Variants in JAML observed in about 807,000 individuals in gnomAD.
The protein encoded by JAML is junction adhesion molecule like.
In JAML, 25 loss-of-function variants were observed where a neutral mutation model predicts 39.3. The ratio of observed to expected loss-of-function variants is 0.64; its 90% CI spans 0.46 to 0.89. The LOEUF (loss-of-function observed/expected upper bound fraction) is 0.89, where lower values mean the gene tolerates loss of function less well. Among genes scored for constraint, JAML ranks in the 40% least tolerant of loss-of-function variants. JAML has a pLI of 0.00. For synonymous variants in JAML, 162 were observed against 179.2 expected, an observed-to-expected ratio of 0.90 and a Z score of 0.77; for missense variants, 440 against 486.9, an observed-to-expected ratio of 0.90 and a Z score of 0.91.
At chr11:118,211,294 G>A (rs1280279948) in intron 3 of JAML, among the ~76,000 whole-genome samples, 1 of 152,210 alleles carries the variant, frequency 6.6e-6, no homozygotes, top group African/African-American at 2.4e-5. Context: ...CCGGGCTGGA[G>A]TGCAGTGGCA....
intron 4 of JAML, among the ~76,000 whole-genome samples, chr11:118,206,247 C>T (rs1301329555): frequency 6.6e-6 from 1 of 152,158 alleles, no homozygotes; most frequent in African/African-American, 2.4e-5. Context: ...CTCTAGCTGC[C>T]CACATGTACC....
At chr11:118,204,755 A>G (rs1948882492) in intron 5 of JAML, 1 of 152,112 alleles carries the variant, frequency 6.6e-6, no homozygotes, top group South Asian at 2.1e-4. Context: ...TTTTACATGT[A>G]TCTCCTCCAT....
chr11:118,203,663 C>T lies in JAML; in HGVS notation c.537G>A (p.Glu179=), dbSNP rs771607224. 1.9e-6 allele frequency: 3 copies of T among 1,608,540 alleles called. No individual in the cohort carries two copies. The highest frequency in any genetic ancestry group is 2.6e-6 in the Non-Finnish European group (3 of 1,175,040). The change falls in exon 6 of 10, where the codon GAG becomes GAA. Residue 179 remains glutamate, a splice_region_variant and synonymous_variant. Coordinates refer to ENST00000356289, the MANE Select transcript of JAML (RefSeq NM_001098526.2). ...TGTGGTAGTAACGAAATACAATCTC[C>T]TCCTAGAAGTGAAAGACAAAAAGTA... ...EWIFSGRRAK[E]EIVFRYYHKL...
chr11:118,212,871 T>C, intron 2 of JAML: 1 of 1,614,200 alleles, frequency 6.2e-7, no homozygotes, highest in Non-Finnish European at 8.5e-7. Context: ...ACCCCAGAAG[T>C]CTCTCCTTTC....
intron 7 of JAML, among the ~76,000 whole-genome samples, chr11:118,200,188 G>T (rs1324323766): frequency 6.6e-6 from 1 of 152,160 alleles, no homozygotes; most frequent in African/African-American, 2.4e-5. Context: ...GATAGTTCTT[G>T]TGTAAGATTT....
intron 7 of JAML, among the ~76,000 whole-genome samples, chr11:118,200,073 G>A (rs11600134): frequency 0.23 from 35,105 of 151,958 alleles, 4,647 homozygotes; most frequent in African/African-American, 0.36. Flanking sequence ...TTAGAATGTG[G>A]TCTTTTAGAT....
At position 118,212,464 on chromosome 11, in the gene JAML, T is replaced by C; in HGVS notation, c.141A>G (p.Thr47=). ...CTATCTTGAATATACATTTGTCTTCTGTGCTCTGGAAAACACATCCCATCA... is the reference window on the plus strand; with the variant it reads ...CTATCTTGAATATACATTTGTCTTCCGTGCTCTGGAAAACACATCCCATCA... ...SALMGCVFQS[T]EDKCIFKIDW... is the part of the protein sequence containing the mutation. Residue 47 remains threonine, a synonymous_variant, in exon 3 of 10, where the codon ACA becomes ACG. Coordinates refer to ENST00000356289, the MANE Select transcript of JAML (RefSeq NM_001098526.2). 6.2e-7 allele frequency: 1 copy of C among 1,614,228 alleles called. No homozygotes were observed. The highest frequency in any genetic ancestry group is 8.5e-7 in the Non-Finnish European group (1 of 1,180,026).
At chr11:118,195,867 T>C (rs648682) in intron 9 of JAML, among the ~76,000 whole-genome samples, 86,260 of 151,994 alleles carry the variant, frequency 0.57, 24,596 homozygotes, top group South Asian at 0.75. Flanking sequence ...AGTCTCGCTC[T>C]GTTTCCCAGG....
chr11:118,203,759 G>T, intron 5 of JAML, 94 bp from the exon 6 acceptor site: 1 of 1,009,306 alleles, frequency 9.9e-7, no homozygotes, highest in Non-Finnish European at 1.6e-6. Context: ...GGACTCCAAG[G>T]CCCTGCTAGG....
At position 118,206,030 on chromosome 11, in the gene JAML, T is replaced by C. The variant is rs1402799065; in HGVS notation, c.425-39A>G. ...AGTAAATCAAGTCAGACTCAAGTTA[T>C]AATCTATAGAAGTCAAAGAATTTCT... On this transcript the variant is annotated intron_variant, in intron 4 of 9. Coordinates refer to ENST00000356289, the MANE Select transcript of JAML (RefSeq NM_001098526.2). The C allele has an allele frequency of 3.2e-6, 5 of 1,540,990 alleles. No individual in the cohort carries two copies. In the African/African-American group the frequency reaches 5.5e-5, roughly 17 times the overall value.
intron 5 of JAML, chr11:118,205,277 C>A (rs1195877816): frequency 6.6e-6 from 1 of 152,256 alleles, no homozygotes; most frequent in Non-Finnish European, 1.5e-5. Flanking sequence ...CACATGTTGA[C>A]CCATAAATAT....
rs748053217 is a variant in JAML at position 118,203,545 on chromosome 11, T to C, written c.655A>G (p.Ile219Val). The part of the protein sequence containing the change: ...VGDIFRNDGS[I>V]MLQGVRESDG... ...GACTCCCTCACTCCTTGAAGCATGA[T>C]GGAACCGTCATTGCGGAAAATGTCC... is the stretch of plus-strand genomic sequence containing the variant. The change falls in exon 6 of 10, where the codon ATC (isoleucine) becomes GTC (valine). Residue 219 changes from isoleucine (I) to valine (V), a missense_variant. By Grantham distance (29) the Ile-to-Val change is conservative (BLOSUM62 3). Transcript: ENST00000356289. 4 of 1,614,168 alleles carry C rather than the reference T, an allele frequency of 2.5e-6. No homozygotes were observed. Among genetic ancestry groups the C allele is most frequent in the Non-Finnish European group, 3.4e-6 (4 of 1,180,026 alleles).
At chr11:118,206,380 C>T (rs1371168953) in intron 4 of JAML, among the ~76,000 whole-genome samples, 1 of 152,140 alleles carries the variant, frequency 6.6e-6, no homozygotes, top group Admixed American at 6.5e-5. Flanking sequence ...CAAGTTTGTA[C>T]TAAAGGAAGT....
chr11:118,197,937 G>C (rs752915997), intron 8 of JAML, 61 bp downstream of exon 8: 1 of 1,457,996 alleles, frequency 6.9e-7, no homozygotes, highest in South Asian at 1.1e-5. Context: ...TGGTTCCCGG[G>C]GGTATGAGAA....
chr11:118,203,718 G>A, intron 5 of JAML, 53 bp from the exon 6 acceptor site: 2 of 1,487,430 alleles, frequency 1.3e-6, no homozygotes, highest in South Asian at 1.1e-5. Context: ...GTGGAGCGGG[G>A]AGCAGAGAAA....
At chr11:118,203,843 G>T (rs1168357655) in intron 5 of JAML, 178 bp from the exon 6 acceptor site, 5 of 596,422 alleles carry the variant, frequency 8.4e-6, no homozygotes, top group Non-Finnish European at 1.5e-5. Context: ...GCATGCGTGT[G>T]TACTTGTGAA....
At chr11:118,224,542 ATT>A (rs754695894) in intron 1 of JAML, among the ~76,000 whole-genome samples, 3 of 152,210 alleles carry the variant, frequency 2.0e-5, no homozygotes, top group Non-Finnish European at 2.9e-5. Context: ...ACACAATAAA[ATT>A]TGTTTAAAAA....
chr11:118,218,063 A>G (rs1034407173), intron 1 of JAML, among the ~76,000 whole-genome samples: 3 of 151,198 alleles, frequency 2.0e-5, no homozygotes, highest in African/African-American at 7.3e-5. Context: ...CTCTTCAACC[A>G]CTCATCCCAG....
chr11:118,210,810 A>G (rs753946647), intron 3 of JAML, 98 bp from the exon 4 acceptor site: 51 of 929,054 alleles, frequency 5.5e-5, no homozygotes, highest in Admixed American at 2.5e-4. Flanking sequence ...CAGAGCTATC[A>G]TCATGATCAT....
Sources: allele counts gnomAD v4.1 joint callset (sites outside exome capture counted in the v4.1 genomes callset), GRCh38; gene constraint gnomAD v4.1.1; transcripts MANE v1.5; gene names NCBI Gene and HGNC (gene_info 2026-07-23, HGNC 2026-07-21).